Variants in SIRPB1 observed in about 807,000 individuals in gnomAD.
SIRPB1 encodes the protein signal-regulatory protein beta-1.
A neutral mutation model predicts 34.1 loss-of-function variants in SIRPB1; 28 were observed. That is an observed-to-expected ratio of 0.82 (90% CI 0.61 to 1.12). The LOEUF is 1.12. Ranked by LOEUF, SIRPB1 falls within the 50% of genes most tolerant of loss-of-function variation. The pLI, the probability that SIRPB1 is intolerant of heterozygous loss-of-function variation, is 0.00. For synonymous variants in SIRPB1, 211 were observed against 203.8 expected (o/e 1.04, Z -0.30); for missense variants, 499 against 507.0 (o/e 0.98, Z 0.15).
At chr20:1,579,553 G>A (rs991281759) in intron 1 of SIRPB1, among the ~76,000 whole-genome samples, 15 of 148,656 alleles carry the variant, frequency 1.0e-4, no homozygotes, top group African/African-American at 3.4e-4. Context: ...CTGGATGCGT[G>A]AATGACCGTT....
Position 1,619,969 on chromosome 20 carries a change from T to G in SIRPB1, c.-25A>C. 1 of 1,605,456 alleles carries G rather than the reference T, an allele frequency of 6.2e-7. No homozygotes were observed. The highest frequency in any genetic ancestry group is 1.1e-5 in the South Asian group (1 of 90,284). ...TTCTGGAGACCTTAGGAGCCTGCTCTGTCCAAACGTCTGTGCTGGGAAGAT... is the reference window on the plus strand; with the variant it reads ...TTCTGGAGACCTTAGGAGCCTGCTCGGTCCAAACGTCTGTGCTGGGAAGAT... On this transcript the variant is annotated 5_prime_UTR_variant, in exon 1 of 6. Coordinates refer to ENST00000381605, the MANE Select transcript of SIRPB1 (RefSeq NM_006065.5).
At chr20:1,567,038 T>G (rs534214608) in intron 4 of SIRPB1, among the ~76,000 whole-genome samples, 5 of 152,246 alleles carry the variant, frequency 3.3e-5, no homozygotes, top group African/African-American at 1.2e-4. Flanking sequence ...GTTGGGACTG[T>G]TTGCATTTTT....
Position 1,571,820 on chromosome 20 carries a change from G to T in SIRPB1, c.651C>A (p.Thr217=), listed in dbSNP as rs1197628013. ...TGACTTGAGAGTGAACGTCCCCACG[G>T]GTCAGCACCACCCTGGCTGTGCTGT... The part of the protein sequence containing the change: ...SIHSTARVVL[T]RGDVHSQVIC... Residue 217 remains threonine (T), a synonymous_variant, in exon 3 of 6, where the codon ACC becomes ACA. Coordinates refer to ENST00000381605, the MANE Select transcript of SIRPB1 (RefSeq NM_006065.5). 2 of 1,614,232 alleles carry T rather than the reference G, an allele frequency of 1.2e-6. No individual in the cohort carries two copies. Among genetic ancestry groups the T allele is most frequent in the East Asian group, 2.2e-5 (1 of 44,882 alleles).
At chr20:1,615,839 C>T (rs1321544757) in intron 1 of SIRPB1, among the ~76,000 whole-genome samples, 1 of 152,116 alleles carries the variant, frequency 6.6e-6, no homozygotes, top group African/African-American at 2.4e-5. Flanking sequence ...AAGTTATATA[C>T]ACATACCTTA....
Position 1,564,882 on chromosome 20 carries a change from C to G in SIRPB1, c.*618G>C. The G allele has an allele frequency of 2.5e-6, 1 of 398,530 alleles. No individual in the cohort carries two copies. The highest frequency in any genetic ancestry group is 4.4e-6 in the Non-Finnish European group (1 of 226,080). The allele number at this position is 398,530 out of a possible 1,614,324, so 24.7% of individuals were successfully genotyped here. ...AATATGAGTTGTAAAGGGCAGTCAT[C>G]GAGGGCTCCTCAATGTTGGGCTGTG... On this transcript the variant is annotated 3_prime_UTR_variant, in exon 6 of 6. Coordinates refer to ENST00000381605, the MANE Select transcript of SIRPB1 (RefSeq NM_006065.5).
Position 1,570,978 on chromosome 20 carries a change from T to G in SIRPB1, c.911A>C (p.Asn304Thr). The change falls in exon 4 of 6, where the codon AAC becomes ACC. Residue 304 changes from asparagine (N) to threonine (T), a missense_variant. Physicochemically the swap from Asn to Thr is moderately conservative, Grantham distance 65. Coordinates refer to ENST00000381605, the MANE Select transcript of SIRPB1 (RefSeq NM_006065.5). ...RTETASTLIE[N>T]KDGTYNWMSW... ...CATCCAGTTGTAGGTGCCATCCTTG[T>G]TCTCTATGAGGGTCGAAGCTGTTTC... The G allele has an allele frequency of 3.7e-6, 6 of 1,614,146 alleles. No homozygotes were observed. The highest frequency in any genetic ancestry group is 5.1e-6 in the Non-Finnish European group (6 of 1,179,998).
chr20:1,619,024 T>A (rs1485277666), intron 1 of SIRPB1, among the ~76,000 whole-genome samples: 1 of 152,134 alleles, frequency 6.6e-6, no homozygotes, highest in Non-Finnish European at 1.5e-5. Context: ...AAGACTGATA[T>A]TCTCATAAGA....
intron 4 of SIRPB1, among the ~76,000 whole-genome samples, chr20:1,566,961 AC>A (rs1411136435): frequency 6.6e-6 from 1 of 152,056 alleles, no homozygotes; most frequent in Non-Finnish European, 1.5e-5. Flanking sequence ...TCCTACCTCA[AC>A]CCCAGTGCAG....
At chr20:1,571,452 T>G (rs1203017600) in intron 3 of SIRPB1, among the ~76,000 whole-genome samples, 4 of 152,234 alleles carry the variant, frequency 2.6e-5, no homozygotes, top group Non-Finnish European at 4.4e-5. Flanking sequence ...GAGCACATAG[T>G]GATTTGGCTC....
chr20:1,568,761 A>C (rs1327904835), intron 4 of SIRPB1, among the ~76,000 whole-genome samples: 2 of 152,182 alleles, frequency 1.3e-5, no homozygotes, highest in Admixed American at 1.3e-4. Flanking sequence ...CACTTAAAGA[A>C]ACTACAAAAA....
At chr20:1,577,667 C>A (rs1180502083) in intron 2 of SIRPB1, among the ~76,000 whole-genome samples, 1 of 146,844 alleles carries the variant, frequency 6.8e-6, no homozygotes, top group Non-Finnish European at 1.5e-5. Context: ...AGACCCACAG[C>A]AAATGCCAAA....
intron 2 of SIRPB1, among the ~76,000 whole-genome samples, chr20:1,576,112 T>A (rs2422631): frequency 2.1e-5 from 3 of 142,246 alleles, no homozygotes; most frequent in Admixed American, 1.4e-4. Context: ...GAGGAGTGAG[T>A]ACTTCACTAG....
At chr20:1,580,088 A>G (rs1600127447) in intron 1 of SIRPB1, among the ~76,000 whole-genome samples, 1 of 148,460 alleles carries the variant, frequency 6.7e-6, no homozygotes, top group Non-Finnish European at 1.5e-5. Flanking sequence ...GTATATGTAC[A>G]TGTATACATA....
intron 2 of SIRPB1, among the ~76,000 whole-genome samples, chr20:1,573,049 A>C (rs1158679340): frequency 6.8e-6 from 1 of 147,234 alleles, no homozygotes; most frequent in Non-Finnish European, 1.5e-5. Flanking sequence ...ACGGGACACT[A>C]TTCAGGGTTT....
At chr20:1,615,556 G>C (rs910979736) in intron 1 of SIRPB1, among the ~76,000 whole-genome samples, 2 of 152,070 alleles carry the variant, frequency 1.3e-5, no homozygotes, top group African/African-American at 4.8e-5. Context: ...ATTATTACTC[G>C]GTTTGTTGAT....
At chr20:1,598,300 G>T in intron 1 of SIRPB1, 1 of 371,938 alleles carries the variant, frequency 2.7e-6, no homozygotes, top group Non-Finnish European at 3.1e-6. Context: ...AAGTGGAGAG[G>T]CAGCCCTGAG....
rs113868919 is a variant in SIRPB1, at chr20:1,563,362, A to G, written c.*2138T>C. Among the ~76,000 whole-genome samples the G allele has an allele frequency of 9.6e-3, 1,459 of 152,110 alleles. 29 individuals are homozygous for G. The highest frequency in any genetic ancestry group is 0.034 in the African/African-American group (1,422 of 41,478). On this transcript the variant is annotated 3_prime_UTR_variant, in exon 6 of 6. Coordinates refer to ENST00000381605, the MANE Select transcript of SIRPB1 (RefSeq NM_006065.5). Reference sequence around the variant, plus strand: ...TACAAAATTAGCTGGGTGTGGTGGTACATGCCTGTAATCCCAGCTACTCAG... The same window carrying G: ...TACAAAATTAGCTGGGTGTGGTGGTGCATGCCTGTAATCCCAGCTACTCAG...
intron 1 of SIRPB1, among the ~76,000 whole-genome samples, chr20:1,579,853 G>A (rs549659902): frequency 6.7e-6 from 1 of 148,246 alleles, no homozygotes; most frequent in Admixed American, 6.7e-5. Flanking sequence ...TGAACTTGGG[G>A]GAGTTGATGG....
chr20:1,599,689 A>C lies in SIRPB1; in HGVS notation c.76+20180T>G, dbSNP rs1460743995. Among the ~76,000 whole-genome samples the C allele has an allele frequency of 4.1e-5, 2 of 48,674 alleles. 1 individual carries two copies. Among genetic ancestry groups the C allele is most frequent in the East Asian group, 1.2e-3 (2 of 1,694 alleles). The allele number at this position is 48,674 out of a possible 152,430, so 31.9% of individuals were successfully genotyped here. A position where few individuals can be genotyped will look rare whatever the true frequency, so the allele number is the denominator to read the frequency against. Reference sequence around the variant, plus strand: ...CTTCACCTCCAGGGGTAGCCTCCAGACTTTCATCCACCAGGAGGGCATATG... The same window carrying C: ...CTTCACCTCCAGGGGTAGCCTCCAGCCTTTCATCCACCAGGAGGGCATATG... On this transcript the variant is annotated intron_variant, in intron 1 of 5. Coordinates refer to ENST00000381605, the MANE Select transcript of SIRPB1 (RefSeq NM_006065.5).
Sources: gnomAD v4.1 joint callset for allele counts (sites outside exome capture counted in the v4.1 genomes callset) on GRCh38, gnomAD v4.1.1 for gene constraint, MANE v1.5 for transcripts, NCBI Gene and HGNC (gene_info 2026-07-23, HGNC 2026-07-21) for gene names.